SHPRH: variants seen among roughly 807,000 people sequenced by gnomAD.
SHPRH encodes the protein SNF2 histone linker PHD RING helicase.
Under a neutral mutation model 202.5 loss-of-function variants are expected in SHPRH, and 106 were observed. That is an observed-to-expected ratio of 0.52 (90% confidence interval 0.45 to 0.62). The LOEUF (loss-of-function observed/expected upper bound fraction) is 0.62. SHPRH is among the 20% of genes least tolerant of loss of function. SHPRH has a pLI of 0.00. For missense variants in SHPRH, 1,710 were observed against 2,020.0 expected (o/e 0.85, Z 2.94); for synonymous variants, 729 against 686.0 (o/e 1.06, Z -0.98).
chr6:145,960,901 G>T (rs2128812844), intron 1 of SHPRH, among the ~76,000 whole-genome samples: 1 of 152,260 alleles, frequency 6.6e-6, no homozygotes, highest in Middle Eastern at 3.4e-3. Context: ...GTTGTTTAGG[G>T]ATGAAACTAT....
intron 2 of SHPRH, 101 bp from the exon 3 acceptor site, chr6:145,952,579 A>G (rs1788089668): frequency 9.2e-7 from 1 of 1,085,760 alleles, no homozygotes; most frequent in South Asian, 2.2e-5. Context: ...TTTTAAAGGT[A>G]TTCATAGCAT....
At chr6:145,928,824 G>A (rs1045419711) in intron 14 of SHPRH, among the ~76,000 whole-genome samples, 2 of 151,806 alleles carry the variant, frequency 1.3e-5, no homozygotes, top group Non-Finnish European at 2.9e-5. Flanking sequence ...ACTGTAGTCA[G>A]CCAATTTCTA....
chr6:145,889,502 G>A (rs74921686), intron 28 of SHPRH, among the ~76,000 whole-genome samples: 1 of 152,124 alleles, frequency 6.6e-6, no homozygotes, highest in East Asian at 1.9e-4. Context: ...AACGTGACAA[G>A]TGGAGGATTC....
At chr6:145,962,736 GC>G (rs1376060285) in intron 1 of SHPRH, among the ~76,000 whole-genome samples, 1 of 152,096 alleles carries the variant, frequency 6.6e-6, no homozygotes, top group Non-Finnish European at 1.5e-5. Context: ...TTACATACTT[GC>G]CATATTCCTG....
chr6:145,948,459 C>G lies in SHPRH; in HGVS notation c.983-109G>C, dbSNP rs1787628474. The stretch of plus-strand genomic sequence containing the variant: ...TGAGGATACTCTGGCATAGTGATAC[C>G]CATATTCTTGTGAAATCTCATTCTG... On this transcript the variant is annotated intron_variant, in intron 4 of 29. Transcript: ENST00000275233. 4.3e-6 allele frequency: 3 copies of G among 693,354 alleles called. No individual in the cohort carries two copies. The South Asian group carries it at 9.0e-5, about 21-fold the overall frequency. The allele number at this position is 693,354 out of a possible 1,614,324, so 43.0% of individuals were successfully genotyped here. A position where few individuals can be genotyped will look rare whatever the true frequency, so the allele number is the denominator to read the frequency against.
At position 145,955,046 on chromosome 6, in the gene SHPRH, A is replaced by G. The variant is rs570913343; in HGVS notation, c.277T>C (p.Ser93Pro). 6.2e-7 allele frequency: 1 copy of G among 1,613,252 alleles called. No individual in the cohort carries two copies. The highest frequency in any genetic ancestry group is 1.3e-5 in the African/African-American group (1 of 75,026). Residue 93 changes from serine (S) to proline (P), a missense_variant, in exon 2 of 30, where the codon TCC becomes CCC. Physicochemically the swap from Ser to Pro is moderately conservative, Grantham distance 74. Transcript: ENST00000275233. ...ATATTTAACTTTACAGACAAAGGGG[A>G]AAAAATACCAACAGTCTCTTCTTTT... Reference protein sequence around the residue: ...IEKEETVGIFSPLSVKLNIVI... With the variant: ...IEKEETVGIFPPLSVKLNIVI...
intron 14 of SHPRH, among the ~76,000 whole-genome samples, chr6:145,929,227 T>G (rs1382988050): frequency 1.3e-5 from 2 of 151,994 alleles, no homozygotes; most frequent in Non-Finnish European, 2.9e-5. Context: ...ATACCCATTC[T>G]CAGCCACTTG....
chr6:145,874,757 TG>T (rs201082030), intron 2 of SHPRH, among the ~76,000 whole-genome samples: 7,342 of 152,294 alleles, frequency 0.048, 281 homozygotes, highest in Admixed American at 0.11. Flanking sequence ...GGCTCCAAGC[TG>T]GCATTTCAGC....
intron 28 of SHPRH, among the ~76,000 whole-genome samples, 163 bp from the exon 29 acceptor site, chr6:145,888,263 T>C (rs1248814718): frequency 1.3e-5 from 2 of 152,120 alleles, no homozygotes; most frequent in African/African-American, 4.8e-5. Context: ...TTAATCTCCA[T>C]GAGCTGACAT....
At position 145,933,181 on chromosome 6, in the gene SHPRH, A is replaced by G; in HGVS notation, c.2991-3T>C. 1.9e-6 allele frequency: 3 copies of G among 1,613,868 alleles called. No individual in the cohort carries two copies. Among genetic ancestry groups the G allele is most frequent in the Non-Finnish European group, 2.5e-6 (3 of 1,179,886 alleles). On this transcript the variant is annotated splice_region_variant and splice_polypyrimidine_tract_variant and intron_variant, in intron 13 of 29. Coordinates refer to ENST00000275233, the MANE Select transcript of SHPRH (RefSeq NM_001042683.3). ...GCAGCTCTTCCATTGTCATGGTGCT[A>G]AAAGAAAAGGTAGACTGTTCAAAAC...
At chr6:145,918,023 C>T in intron 23 of SHPRH, 108 bp downstream of exon 23, 1 of 736,364 alleles carries the variant, frequency 1.4e-6, no homozygotes, top group East Asian at 2.9e-5. Context: ...ACTCATATAA[C>T]ACCAAATACT....
chr6:145,900,194 T>C (rs1782373291), intron 25 of SHPRH, among the ~76,000 whole-genome samples: 1 of 152,180 alleles, frequency 6.6e-6, no homozygotes, highest in Admixed American at 6.5e-5. Context: ...GGAAGAGATA[T>C]CTGCAATCTC....
intron 17 of SHPRH, 113 bp downstream of exon 17, chr6:145,924,626 T>G (rs1307863593): frequency 1.3e-6 from 1 of 779,342 alleles, no homozygotes; most frequent in African/African-American, 1.7e-5. Flanking sequence ...ATGTGCTAGG[T>G]GCTAAGGATT....
chr6:145,912,439 A>G (rs549198889), intron 24 of SHPRH, among the ~76,000 whole-genome samples: 2 of 152,292 alleles, frequency 1.3e-5, no homozygotes, highest in Admixed American at 1.3e-4. Context: ...TGTTTAAGAC[A>G]AAATGAAATA....
chr6:145,888,033 T>C lies in SHPRH; in HGVS notation c.4942A>G (p.Thr1648Ala), dbSNP rs1463028775. 8.1e-6 allele frequency: 13 copies of C among 1,612,420 alleles called. No homozygotes were observed. The African/African-American group carries it at 1.5e-4, about 18-fold the overall frequency. Reference protein sequence around the residue: ...IEERMQAMLKTAERSHTNSSA... With the variant: ...IEERMQAMLKAAERSHTNSSA... Reference sequence around the variant, plus strand: ...ATTATTACCTACCTTCTCTCAGCAGTTTTCAGCATTGCCTGCATTCTTTCT... The same window carrying C: ...ATTATTACCTACCTTCTCTCAGCAGCTTTCAGCATTGCCTGCATTCTTTCT... Residue 1648 changes from threonine (T) to alanine (A), a missense_variant, in exon 29 of 30, where the codon ACT becomes GCT. By Grantham distance (58) the Thr-to-Ala change is moderately conservative. Coordinates refer to ENST00000275233, the MANE Select transcript of SHPRH (RefSeq NM_001042683.3).
Position 145,924,759 on chromosome 6 carries a change from T to C in SHPRH, c.3382A>G (p.Ile1128Val). 2.5e-6 allele frequency: 4 copies of C among 1,611,660 alleles called. No individual in the cohort carries two copies. Among genetic ancestry groups the C allele is most frequent in the Non-Finnish European group, 3.4e-6 (4 of 1,178,350 alleles). Residue 1128 changes from isoleucine (I) to valine (V), a missense_variant, in exon 17 of 30, where the codon ATC becomes GTC. By Grantham distance (29) the Ile-to-Val change is conservative. Coordinates refer to ENST00000275233, the MANE Select transcript of SHPRH (RefSeq NM_001042683.3). ...QQALYPVQQT[I>V]HELQRKIHSN... Reference sequence around the variant, plus strand: ...CATACCTTTCTTTGAAGCTCATGGATGGTCTGCTGCACAGGATATAAAGCT... The same window carrying C: ...CATACCTTTCTTTGAAGCTCATGGACGGTCTGCTGCACAGGATATAAAGCT...
At chr6:145,924,326 T>C (rs923530349) in intron 17 of SHPRH, among the ~76,000 whole-genome samples, 2 of 152,002 alleles carry the variant, frequency 1.3e-5, no homozygotes, top group African/African-American at 4.8e-5. Context: ...ATTTTGCTGC[T>C]GATTTCATAA....
At chr6:145,938,470 A>G (rs1786362889) in intron 11 of SHPRH, among the ~76,000 whole-genome samples, 1 of 152,192 alleles carries the variant, frequency 6.6e-6, no homozygotes, top group Non-Finnish European at 1.5e-5. Context: ...GAAATAAATC[A>G]AATACATAAA....
At chr6:145,875,328 T>G (rs939923841) in intron 2 of SHPRH, among the ~76,000 whole-genome samples, 1 of 152,202 alleles carries the variant, frequency 6.6e-6, no homozygotes, top group Non-Finnish European at 1.5e-5. Context: ...CTCAATCTTA[T>G]AATGCATAGG....
Sources: allele counts gnomAD v4.1 joint callset (sites outside exome capture counted in the v4.1 genomes callset), GRCh38; gene constraint gnomAD v4.1.1; transcripts MANE v1.5; gene names NCBI Gene and HGNC (gene_info 2026-07-23, HGNC 2026-07-21).